The following BBS9 variants were observed in gnomAD, a reference collection of about 807,000 sequenced individuals.
BBS9 encodes the protein Bardet-Biedl syndrome 9, also known as protein PTHB1.
A neutral mutation model predicts 117.7 loss-of-function variants in BBS9; 89 were observed. The observed-to-expected ratio is 0.76, with a 90% CI of 0.64 to 0.90. The LOEUF is 0.90. Among genes scored for constraint, BBS9 ranks in the 40% least tolerant of loss-of-function variants. The pLI is 0.00. For missense variants in BBS9, 982 were observed against 1,042.2 expected, an observed-to-expected ratio of 0.94 and a Z score of 0.80; for synonymous variants, 379 against 370.9, an observed-to-expected ratio of 1.02 and a Z score of -0.25.
intron 20 of BBS9, among the ~76,000 whole-genome samples, chr7:33,532,846 C>T (rs903692580): frequency 2.0e-5 from 3 of 152,164 alleles, no homozygotes; most frequent in African/African-American, 7.2e-5. Flanking sequence ...ATATAAGGGA[C>T]TTGCACTGTT....
At chr7:33,630,133 G>A (rs1452966976) in intron 21 of BBS9, among the ~76,000 whole-genome samples, 2 of 151,898 alleles carry the variant, frequency 1.3e-5, no homozygotes, top group Non-Finnish European at 2.9e-5. Flanking sequence ...TTTTAATTAC[G>A]TCTAAAAATC....
chr7:33,246,296 G>GT (rs746352875), intron 5 of BBS9, among the ~76,000 whole-genome samples: 3,828 of 138,938 alleles, frequency 0.028, 46 homozygotes, highest in Non-Finnish European at 0.037. Flanking sequence ...GGCTTTAGTT[G>GT]TTTTTTTTTT....
intron 19 of BBS9, among the ~76,000 whole-genome samples, chr7:33,463,864 A>G (rs745700496): frequency 2.0e-5 from 3 of 152,076 alleles, no homozygotes; most frequent in Non-Finnish European, 4.4e-5. Context: ...CTGAGTTGAC[A>G]TTTATGTTTT....
chr7:33,626,144 C>G (rs1865626396), intron 21 of BBS9, among the ~76,000 whole-genome samples: 1 of 152,112 alleles, frequency 6.6e-6, no homozygotes, highest in Admixed American at 6.5e-5. Context: ...CTCACAAGAT[C>G]TGGTTGTTTA....
intron 20 of BBS9, among the ~76,000 whole-genome samples, chr7:33,516,407 G>T (rs992641973): frequency 3.4e-5 from 5 of 146,808 alleles, no homozygotes; most frequent in Non-Finnish European, 7.4e-5. Flanking sequence ...GAGAATCACT[G>T]GAACCCGGGA....
rs367754072 is a variant in BBS9 at position 33,539,487 on chromosome 7, AAAAG to A, written c.2521+5317_2521+5320del. ...TTGTCCTTATAACAGGAAATTTTTA[AAAAG>A]AAAGAGTGTGTAACATTTGCCTTTT... On this transcript the variant is annotated intron_variant, in intron 21 of 22. Transcript: ENST00000242067. 4.5e-4 allele frequency among the ~76,000 whole-genome samples: 69 copies of A among 152,342 alleles called. 1 individual carries two copies. In the East Asian group the frequency reaches 0.01, roughly 22 times the overall value.
At chr7:33,628,280 A>G (rs1305812625) in intron 21 of BBS9, among the ~76,000 whole-genome samples, 2 of 152,218 alleles carry the variant, frequency 1.3e-5, no homozygotes, top group East Asian at 1.9e-4. Flanking sequence ...TCCCTCATGA[A>G]TACAGATGCA....
chr7:33,608,173 G>T (rs1196586395), downstream of BBS9, among the ~76,000 whole-genome samples: 2 of 151,956 alleles, frequency 1.3e-5, no homozygotes, highest in African/African-American at 4.8e-5. Context: ...GCATTAATTT[G>T]CTTAGGATAA....
At position 33,505,597 on chromosome 7, in the gene BBS9, T is replaced by C. The variant is rs1846043992; in HGVS notation, c.2250T>C (p.Ala750=). The C allele has an allele frequency of 1.2e-6, 2 of 1,613,954 alleles. No homozygotes were observed. The highest frequency in any genetic ancestry group is 1.7e-5 in the Admixed American group (1 of 60,006). Residue 750 remains alanine, a synonymous_variant, in exon 20 of 23, where the codon GCT becomes GCC. Coordinates refer to ENST00000242067, the MANE Select transcript of BBS9 (RefSeq NM_198428.3). The part of the protein sequence containing the change: ...LWQKLSADQV[A]ILEAAFLPLQ... ...AGAAGCTTAGTGCTGACCAGGTTGC[T>C]ATTCTGGAAGCGGCATTTCTGCCGC...
chr7:33,556,941 T>C (rs1488754750), intron 21 of BBS9, among the ~76,000 whole-genome samples: 2 of 152,208 alleles, frequency 1.3e-5, no homozygotes, highest in East Asian at 3.8e-4. Flanking sequence ...TACGTGGGAC[T>C]GGGAGTTGAA....
At chr7:33,225,145 A>G (rs1256646389) in intron 5 of BBS9, among the ~76,000 whole-genome samples, 2 of 152,186 alleles carry the variant, frequency 1.3e-5, no homozygotes, top group Non-Finnish European at 2.9e-5. Context: ...ATAATAAACT[A>G]ATGGATTTAA....
At chr7:33,418,029 C>A (rs1385265567) in intron 19 of BBS9, among the ~76,000 whole-genome samples, 1 of 152,160 alleles carries the variant, frequency 6.6e-6, no homozygotes, top group African/African-American at 2.4e-5. Flanking sequence ...TTCACTCTAC[C>A]AAGCACAGTG....
intron 9 of BBS9, among the ~76,000 whole-genome samples, chr7:33,278,864 C>T (rs73690084): frequency 0.023 from 3,571 of 152,284 alleles, 131 homozygotes; most frequent in African/African-American, 0.081. Flanking sequence ...AACTGTCTGA[C>T]GAGTTCTTCC....
rs139092648 is a variant in BBS9, at chr7:33,165,637, T to C, written c.328+9935T>C. Among the ~76,000 whole-genome samples, 753 of 152,256 alleles carry C rather than the reference T, an allele frequency of 4.9e-3. 18 individuals carry two copies. The East Asian group carries it at 0.053, about 11-fold the overall frequency. ...CTTGATTGAATCAGCTATTGAAGCT[T>C]GTGCATGTGTCTTGTAGTTCTTGTG... On this transcript the variant is annotated intron_variant, in intron 4 of 22. Coordinates refer to ENST00000242067, the MANE Select transcript of BBS9 (RefSeq NM_198428.3).
intron 20 of BBS9, among the ~76,000 whole-genome samples, chr7:33,519,113 G>C (rs1038238456): frequency 1.3e-5 from 2 of 152,008 alleles, no homozygotes; most frequent in Admixed American, 6.5e-5. Context: ...AAAGAAACCT[G>C]TACTGCTTTT....
chr7:33,448,348 A>G (rs1352286738), intron 19 of BBS9, among the ~76,000 whole-genome samples: 1 of 151,950 alleles, frequency 6.6e-6, no homozygotes, highest in Non-Finnish European at 1.5e-5. Flanking sequence ...CCTGTCTGTG[A>G]TGTAGTCTGA....
chr7:33,505,476 C>T lies in BBS9; in HGVS notation c.2129C>T (p.Ala710Val). 2 of 1,614,136 alleles carry T rather than the reference C, an allele frequency of 1.2e-6. No homozygotes were observed. Among genetic ancestry groups the T allele is most frequent in the Non-Finnish European group, 1.7e-6 (2 of 1,179,964 alleles). Reference protein sequence around the residue: ...DGTYKQVIALADAVEENQGNL... With the variant: ...DGTYKQVIALVDAVEENQGNL... ...TAATATCTGCAGGTAATTGCTCTAG[C>T]AGATGCAGTGGAGGAAAACCAAGGC... Residue 710 changes from alanine to valine, a missense_variant, in exon 20 of 23, where the codon GCA becomes GTA. Ala to Val is a moderately conservative substitution (Grantham distance 64, BLOSUM62 0). Coordinates refer to ENST00000242067, the MANE Select transcript of BBS9 (RefSeq NM_198428.3).
At chr7:33,586,133 G>A (rs1365419348) in intron 21 of BBS9, among the ~76,000 whole-genome samples, 3 of 152,110 alleles carry the variant, frequency 2.0e-5, no homozygotes, top group African/African-American at 4.8e-5. Flanking sequence ...CTAACTTGAT[G>A]TGTGGTTTTT....
intron 19 of BBS9, among the ~76,000 whole-genome samples, chr7:33,401,928 T>G (rs1828985174): frequency 1.3e-5 from 2 of 152,182 alleles, no homozygotes; most frequent in Admixed American, 6.5e-5. Flanking sequence ...CCTTATATAA[T>G]ATCATGTGAT....
Sources: allele counts gnomAD v4.1 joint callset (sites outside exome capture counted in the v4.1 genomes callset), GRCh38; gene constraint gnomAD v4.1.1; transcripts MANE v1.5; gene names NCBI Gene and HGNC (gene_info 2026-07-23, HGNC 2026-07-21).